The following ARHGAP24 variants were observed in gnomAD, a reference collection of about 807,000 sequenced individuals.
ARHGAP24 encodes the protein rho GTPase-activating protein 24.
In ARHGAP24, 50 loss-of-function variants were observed where a neutral mutation model predicts 76.4. The observed-to-expected ratio is 0.65, with a 90% CI of 0.52 to 0.83. The LOEUF (loss-of-function observed/expected upper bound fraction) is 0.83, where lower values mean the gene tolerates loss of function less well. Ranked by LOEUF, ARHGAP24 falls within the 40% of genes least tolerant of loss-of-function variation. ARHGAP24 has a pLI of 0.00. For missense variants in ARHGAP24, 930 were observed against 914.2 expected (o/e 1.02, Z -0.22); for synonymous variants, 345 against 323.3 (o/e 1.07, Z -0.72).
At chr4:85,665,086 G>A (rs1201135261) in intron 2 of ARHGAP24, among the ~76,000 whole-genome samples, 169 of 151,892 alleles carry the variant, frequency 1.1e-3, no homozygotes, top group African/African-American at 3.5e-3. Context: ...TTTCTGTCTC[G>A]TTTTTCTGTC....
intron 1 of ARHGAP24, among the ~76,000 whole-genome samples, chr4:85,541,142 CTTTTTTTT>C (rs70948733): frequency 2.4e-4 from 12 of 49,740 alleles, no homozygotes; most frequent in East Asian, 7.1e-4. Flanking sequence ...CATCCATGAC[CTTTTTTTT>C]TTTTTTTTTT....
intron 3 of ARHGAP24, among the ~76,000 whole-genome samples, chr4:85,816,647 T>C (rs1304245307): frequency 1.3e-5 from 2 of 152,218 alleles, no homozygotes; most frequent in African/African-American, 4.8e-5. Flanking sequence ...CATATATGTA[T>C]AACACATTTT....
At chr4:85,641,531 G>C (rs1041037233) in intron 2 of ARHGAP24, among the ~76,000 whole-genome samples, 1 of 152,022 alleles carries the variant, frequency 6.6e-6, no homozygotes, top group Non-Finnish European at 1.5e-5. Flanking sequence ...TCTTCTCTCC[G>C]GGTCTTCATA....
intron 3 of ARHGAP24, among the ~76,000 whole-genome samples, chr4:85,907,617 A>G (rs28378869): frequency 0.48 from 49,877 of 103,328 alleles, 8,514 homozygotes; most frequent in East Asian, 0.61. Context: ...ATGTGTGTGT[A>G]TGTGTGTCTA....
chr4:85,597,384 T>C (rs1319888050), intron 2 of ARHGAP24, among the ~76,000 whole-genome samples: 1 of 152,062 alleles, frequency 6.6e-6, no homozygotes, highest in African/African-American at 2.4e-5. Context: ...ATGTGGTTAC[T>C]TGAGAAAACC....
At chr4:85,651,825 A>T (rs28361935) in intron 2 of ARHGAP24, among the ~76,000 whole-genome samples, 54,307 of 150,688 alleles carry the variant, frequency 0.36, 10,908 homozygotes, top group East Asian at 0.84. Context: ...TGTCATTAAG[A>T]TTAATGAAAA....
chr4:85,527,330 A>G (rs1725049241), intron 1 of ARHGAP24, among the ~76,000 whole-genome samples: 1 of 152,084 alleles, frequency 6.6e-6, no homozygotes, highest in Non-Finnish European at 1.5e-5. Context: ...ACTGTTTTGG[A>G]TGTCAGTTAT....
chr4:85,724,066 G>C lies in ARHGAP24; in HGVS notation c.268+2094G>C, dbSNP rs140992617. The stretch of plus-strand genomic sequence containing the variant: ...GTGTTTTTATTTGTCAGAATGCATA[G>C]GAGGCAGCAAGGATTGCAGAAATGT... On this transcript the variant is annotated intron_variant, in intron 3 of 9. Coordinates refer to ENST00000395184, the MANE Select transcript of ARHGAP24 (RefSeq NM_001025616.3). 8.8e-4 allele frequency among the ~76,000 whole-genome samples: 134 copies of C among 152,306 alleles called. 2 individuals are homozygous for C. The East Asian group carries it at 0.022, about 25-fold the overall frequency.
chr4:85,599,973 T>C (rs925547949), intron 2 of ARHGAP24, among the ~76,000 whole-genome samples: 2 of 152,214 alleles, frequency 1.3e-5, no homozygotes, highest in Non-Finnish European at 2.9e-5. Flanking sequence ...CTCATAGAGC[T>C]ATCATTTTAT....
chr4:85,928,436 A>G (rs2148815234), intron 4 of ARHGAP24, among the ~76,000 whole-genome samples: 1 of 151,888 alleles, frequency 6.6e-6, no homozygotes, highest in South Asian at 2.1e-4. Context: ...GAGAGTGAAA[A>G]TTCATTAATA....
chr4:85,808,174 C>A (rs758161303), intron 3 of ARHGAP24, among the ~76,000 whole-genome samples: 3 of 152,004 alleles, frequency 2.0e-5, no homozygotes, highest in Non-Finnish European at 4.4e-5. Context: ...TCATTGTGAC[C>A]CTTTTGAGAA....
intron 3 of ARHGAP24, among the ~76,000 whole-genome samples, chr4:85,750,929 A>C (rs931125186): frequency 6.6e-6 from 1 of 152,188 alleles, no homozygotes; most frequent in Non-Finnish European, 1.5e-5. Flanking sequence ...GGTATCAAAG[A>C]GTGTTTTCTT....
chr4:85,952,766 C>T (rs139116934), intron 5 of ARHGAP24, among the ~76,000 whole-genome samples: 5 of 152,224 alleles, frequency 3.3e-5, no homozygotes, highest in South Asian at 2.1e-4. Flanking sequence ...TGAGAAAGGG[C>T]GTTCTCATTG....
intron 1 of ARHGAP24, among the ~76,000 whole-genome samples, chr4:85,533,810 T>C (rs1481776): frequency 0.11 from 17,142 of 152,070 alleles, 2,773 homozygotes; most frequent in African/African-American, 0.36. Context: ...TGTAATAAGA[T>C]CCCACTAAAC....
Position 86,000,530 on chromosome 4 carries a change from T to C in ARHGAP24, c.2055T>C (p.Asp685=). Residue 685 remains aspartate (D), a synonymous_variant, in exon 10 of 10, where the codon GAT becomes GAC. Coordinates refer to ENST00000395184, the MANE Select transcript of ARHGAP24 (RefSeq NM_001025616.3). The part of the protein sequence containing the change: ...TLETEMMSLH[D]ELDQERKKFT... Reference sequence around the variant, plus strand: ...AAACAGAAATGATGAGCCTCCATGATGAACTGGATCAGGAGAGGAAAAAGT... The same window carrying C: ...AAACAGAAATGATGAGCCTCCATGACGAACTGGATCAGGAGAGGAAAAAGT... The C allele has an allele frequency of 6.3e-7, 1 of 1,584,702 alleles. No homozygotes were observed. The highest frequency in any genetic ancestry group is 8.6e-7 in the Non-Finnish European group (1 of 1,166,868).
intron 3 of ARHGAP24, among the ~76,000 whole-genome samples, chr4:85,731,174 T>C (rs1262906469): frequency 6.6e-6 from 1 of 152,200 alleles, no homozygotes; most frequent in Non-Finnish European, 1.5e-5. Flanking sequence ...CACCTTCTTA[T>C]ACCAATAAGA....
chr4:85,730,611 G>A (rs1384059571), intron 3 of ARHGAP24, among the ~76,000 whole-genome samples: 1 of 151,896 alleles, frequency 6.6e-6, no homozygotes, highest in Non-Finnish European at 1.5e-5. Flanking sequence ...GTCTCACTAT[G>A]TTGCCCAGGC....
intron 2 of ARHGAP24, among the ~76,000 whole-genome samples, chr4:85,652,892 G>T (rs532323540): frequency 1.3e-5 from 2 of 152,050 alleles, no homozygotes; most frequent in Non-Finnish European, 2.9e-5. Context: ...GATTTTCTGA[G>T]TTTTTTGTTT....
At chr4:85,647,971 T>C (rs569494458) in intron 2 of ARHGAP24, among the ~76,000 whole-genome samples, 2 of 152,312 alleles carry the variant, frequency 1.3e-5, no homozygotes, top group South Asian at 2.1e-4. Flanking sequence ...GAGTCATTGC[T>C]GTACCAGCAA....
Sources: gnomAD v4.1 joint callset for allele counts (sites outside exome capture counted in the v4.1 genomes callset) on GRCh38, gnomAD v4.1.1 for gene constraint, MANE v1.5 for transcripts, NCBI Gene and HGNC (gene_info 2026-07-23, HGNC 2026-07-21) for gene names.